PINK1: variants seen among roughly 807,000 people sequenced by gnomAD.
The protein encoded by PINK1 is serine/threonine-protein kinase PINK1, mitochondrial.
Under a neutral mutation model 56.0 loss-of-function variants are expected in PINK1, and 58 were observed. The observed-to-expected ratio is 1.04, with a 90% confidence interval of 0.84 to 1.29. The LOEUF is 1.29. PINK1 is among the 50% of genes most tolerant of loss of function. The pLI, the probability that PINK1 is intolerant of heterozygous loss-of-function variation, is 0.00. For synonymous variants in PINK1, 354 were observed against 339.3 expected, an observed-to-expected ratio of 1.04 and a Z score of -0.48; for missense variants, 745 against 777.9, an observed-to-expected ratio of 0.96 and a Z score of 0.50.
At chr1:20,642,258 C>T (rs555612385) in intron 3 of PINK1, among the ~76,000 whole-genome samples, 1 of 152,344 alleles carries the variant, frequency 6.6e-6, no homozygotes, top group African/African-American at 2.4e-5. Context: ...GAAGCAGTCA[C>T]ACTGGATTTT....
rs776293086 is a variant in PINK1 at position 20,633,703 on chromosome 1, C to T, written c.155C>T (p.Pro52Leu). 5 of 1,514,248 alleles carry T rather than the reference C, an allele frequency of 3.3e-6. No individual in the cohort carries two copies. In the Admixed American group the frequency reaches 8.1e-5, roughly 25 times the overall value. The allele number at this position is 1,514,248 out of a possible 1,614,324, so 93.8% of individuals were successfully genotyped here. ...GAGCGTCCAGGCTGGGCCGCAGGACCGGGCGCGGAGCCTCGCAGGGTCGGG... is the reference window on the plus strand; with the variant it reads ...GAGCGTCCAGGCTGGGCCGCAGGACTGGGCGCGGAGCCTCGCAGGGTCGGG... ...RGERPGWAAGPGAEPRRVGLG... is the reference protein window; with the variant it reads ...RGERPGWAAGLGAEPRRVGLG... The change falls in exon 1 of 8, where the codon CCG (proline) becomes CTG (leucine). Residue 52 changes from proline to leucine, a missense_variant. Transcript: ENST00000321556.
chr1:20,633,458 A>T lies in PINK1; in HGVS notation c.-91A>T. On this transcript the variant is annotated 5_prime_UTR_variant, in exon 1 of 8. Transcript: ENST00000321556. ...CGCCCACCAGCGCCTGCGCCTGCGCAGAGGCACCGCCCCAAGTTTGTTGTG... is the reference window on the plus strand; with the variant it reads ...CGCCCACCAGCGCCTGCGCCTGCGCTGAGGCACCGCCCCAAGTTTGTTGTG... The T allele has an allele frequency of 9.7e-7, 1 of 1,025,656 alleles. No individual in the cohort carries two copies. The highest frequency in any genetic ancestry group is 1.2e-6 in the Non-Finnish European group (1 of 847,264). 63.5% of individuals were successfully genotyped at this position (1,025,656 alleles called of 1,614,324 possible).
At position 20,650,652 on chromosome 1, in the gene PINK1, G is replaced by A. The variant is rs2053257148; in HGVS notation, c.1707G>A (p.Gln569=). ...LANLECETLC[Q]AALLLCSWRA... is the part of the protein sequence containing the mutation. ...ACCTGGAGTGTGAAACGCTCTGCCAGGCAGCCCTCCTCCTCTGCTCATGGA... is the reference window on the plus strand; with the variant it reads ...ACCTGGAGTGTGAAACGCTCTGCCAAGCAGCCCTCCTCCTCTGCTCATGGA... Residue 569 remains glutamine, a synonymous_variant, in exon 8 of 8, where the codon CAG becomes CAA. Coordinates refer to ENST00000321556, the MANE Select transcript of PINK1 (RefSeq NM_032409.3). 6.2e-7 allele frequency: 1 copy of A among 1,614,020 alleles called. No homozygotes were observed. Among genetic ancestry groups the A allele is most frequent in the Admixed American group, 1.7e-5 (1 of 59,998 alleles).
intron 1 of PINK1, among the ~76,000 whole-genome samples, chr1:20,634,452 A>G (rs987174556): frequency 1.3e-5 from 2 of 152,176 alleles, no homozygotes; most frequent in Non-Finnish European, 2.9e-5. Flanking sequence ...AACAGTCCTA[A>G]CATTTTAGTT....
chr1:20,648,403 CCT>C (rs759595395), intron 5 of PINK1, 100 bp from the exon 6 acceptor site: 14 of 1,545,590 alleles, frequency 9.1e-6, no homozygotes, highest in African/African-American at 1.4e-5. Context: ...GCCATTAGCC[CCT>C]GTCAGCTATG....
Position 20,644,617 on chromosome 1 carries a change from C to T in PINK1, c.904C>T (p.Arg302Cys), listed in dbSNP as rs747359904. ...LVDYPDVLPSRLHPEGLGHGR... is the reference protein window; with the variant it reads ...LVDYPDVLPSCLHPEGLGHGR... The stretch of plus-strand genomic sequence containing the variant: ...CGACTACCCTGATGTGCTGCCCTCA[C>T]GCCTCCACCCTGAAGGCCTGGGCCA... Residue 302 changes from arginine (R) to cysteine (C), a missense_variant, in exon 4 of 8, where the codon CGC becomes TGC. Transcript: ENST00000321556. 4.3e-5 allele frequency: 69 copies of T among 1,614,094 alleles called. No individual in the cohort carries two copies. Among genetic ancestry groups the T allele is most frequent in the Admixed American group, 8.3e-5 (5 of 60,010 alleles).
intron 7 of PINK1, 36 bp downstream of exon 7, chr1:20,649,267 G>C (rs1489670926): frequency 6.2e-7 from 1 of 1,602,296 alleles, no homozygotes; most frequent in Non-Finnish European, 8.5e-7. Flanking sequence ...GACGGTGTGG[G>C]TAGAAACCTC....
In PINK1 at chr1:20,633,941, C is replaced by A. The variant is rs762327080; in HGVS notation, c.387+6C>A. 7.4e-7 allele frequency: 1 copy of A among 1,359,044 alleles called. No individual in the cohort carries two copies. Among genetic ancestry groups the A allele is most frequent in the South Asian group, 1.2e-5 (1 of 82,638 alleles). 84.2% of individuals were successfully genotyped at this position (1,359,044 alleles called of 1,614,324 possible). ...CGGCCTGTCAGGAGATCCAGGTGAG[C>A]GGGGCCGGGTCCTAAGCCGAGCGGA... On this transcript the variant is annotated splice_donor_region_variant and intron_variant, in intron 1 of 7. Transcript: ENST00000321556.
At position 20,645,701 on chromosome 1, in the gene PINK1, C is replaced by A. The variant is rs1314235592; in HGVS notation, c.1101C>A (p.Asn367Lys). ...CGCACAGAGACCTGAAATCCGACAACATCCTTGTGGAGCTGGACCCAGGTA... is the reference window on the plus strand; with the variant it reads ...CGCACAGAGACCTGAAATCCGACAAAATCCTTGTGGAGCTGGACCCAGGTA... ...GIAHRDLKSD[N>K]ILVELDPDGC... The change falls in exon 5 of 8, where the codon AAC becomes AAA. Residue 367 changes from asparagine (N) to lysine (K), a missense_variant. Transcript: ENST00000321556. The A allele has an allele frequency of 6.2e-7, 1 of 1,614,142 alleles. No individual in the cohort carries two copies. The highest frequency in any genetic ancestry group is 1.1e-5 in the South Asian group (1 of 91,082).
At position 20,641,115 on chromosome 1, in the gene PINK1, T is replaced by C. The variant is rs2053111656; in HGVS notation, c.776+1123T>C. Among the ~76,000 whole-genome samples the C allele has an allele frequency of 6.6e-6, 1 of 152,104 alleles. No individual in the cohort carries two copies. The highest frequency in any genetic ancestry group is 6.5e-5 in the Admixed American group (1 of 15,272). On this transcript the variant is annotated intron_variant, in intron 3 of 7. Transcript: ENST00000321556. This position sits in a 1 kb window ranked among gnomAD's most constrained non-coding sequence, Gnocchi z 4.0. Reference sequence around the variant, plus strand: ...TTACTGGAGGGCTGGTTTATAGATCTTCATTCTGTCAGAAGCAGGGAGGCA... The same window carrying C: ...TTACTGGAGGGCTGGTTTATAGATCCTCATTCTGTCAGAAGCAGGGAGGCA...
chr1:20,640,519 AGAG>A (rs1318396906), intron 3 of PINK1, among the ~76,000 whole-genome samples: 1 of 152,178 alleles, frequency 6.6e-6, no homozygotes, highest in Non-Finnish European at 1.5e-5. Flanking sequence ...CGTGTGCTGC[AGAG>A]GAGGGGCTGC....
In PINK1 at chr1:20,639,963, G is replaced by A; in HGVS notation, c.747G>A (p.Leu249=). The A allele has an allele frequency of 1.2e-6, 2 of 1,611,958 alleles. No individual in the cohort carries two copies. The highest frequency in any genetic ancestry group is 1.7e-6 in the Non-Finnish European group (2 of 1,179,244). The change falls in exon 3 of 8, where the codon TTG becomes TTA. Residue 249 remains leucine (L), a synonymous_variant. Transcript: ENST00000321556. ...TGGTCCCAGCGAGCCGAGTGGCCTT[G>A]GCTGGGGAGTATGGAGCAGTCACTT... ...QELVPASRVA[L]AGEYGAVTYR... is the part of the protein sequence containing the mutation.
Position 20,644,537 on chromosome 1 carries a change from T to C in PINK1, c.824T>C (p.Ile275Thr). The change falls in exon 4 of 8, where the codon ATC becomes ACC. Residue 275 changes from isoleucine (I) to threonine (T), a missense_variant. Transcript: ENST00000321556. ...PKQLAPHPNI[I>T]RVLRAFTSSV... Reference sequence around the variant, plus strand: ...CAACTAGCCCCTCACCCCAACATCATCCGGGTTCTCCGCGCCTTCACCTCT... The same window carrying C: ...CAACTAGCCCCTCACCCCAACATCACCCGGGTTCTCCGCGCCTTCACCTCT... 6.2e-7 allele frequency: 1 copy of C among 1,614,182 alleles called. No individual in the cohort carries two copies. The highest frequency in any genetic ancestry group is 8.5e-7 in the Non-Finnish European group (1 of 1,180,032).
chr1:20,644,719 A>G (rs542584036), intron 4 of PINK1, 47 bp downstream of exon 4: 21 of 1,604,118 alleles, frequency 1.3e-5, no homozygotes, highest in Non-Finnish European at 1.7e-5. Context: ...ACATCTCCCA[A>G]GGGGAGCTGG....
chr1:20,647,092 T>C (rs2053193308), intron 5 of PINK1, among the ~76,000 whole-genome samples: 1 of 143,608 alleles, frequency 7.0e-6, no homozygotes, highest in Non-Finnish European at 1.5e-5. Flanking sequence ...AGTCTCGCTC[T>C]GTCACCCAGG....
chr1:20,650,370 A>C lies in PINK1; in HGVS notation c.1489-64A>C. The C allele has an allele frequency of 1.9e-6, 3 of 1,603,152 alleles. No individual in the cohort carries two copies. In the South Asian group the frequency reaches 3.3e-5, roughly 18 times the overall value. On this transcript the variant is annotated intron_variant, in intron 7 of 7. Transcript: ENST00000321556. ...GAGAAGGGAAGACCCTCACTAACAA[A>C]GCAGGCTTTGGGTTGAGACTGTGTT... is the stretch of plus-strand genomic sequence containing the variant.
Position 20,644,592 on chromosome 1 carries a change from C to T in PINK1, c.879C>T (p.Val293=), listed in dbSNP as rs1242909775. ...SSVPLLPGAL[V]DYPDVLPSRL... is the part of the protein sequence containing the mutation. ...TGCCGCTGCTGCCAGGGGCCCTGGT[C>T]GACTACCCTGATGTGCTGCCCTCAC... is the stretch of plus-strand genomic sequence containing the variant. The change falls in exon 4 of 8, where the codon GTC becomes GTT. Residue 293 remains valine, a synonymous_variant. Transcript: ENST00000321556. 14 of 1,614,090 alleles carry T rather than the reference C, an allele frequency of 8.7e-6. No homozygotes were observed. Among genetic ancestry groups the T allele is most frequent in the East Asian group, 4.5e-5 (2 of 44,894 alleles).
Position 20,649,186 on chromosome 1 carries a change from C to T in PINK1, c.1443C>T (p.Asp481=), listed in dbSNP as rs770625275. Residue 481 remains aspartate (D), a synonymous_variant, in exon 7 of 8, where the codon GAC becomes GAT. Transcript: ENST00000321556. ...LPALPESVPP[D]VRQLVRALLQ... is the part of the protein sequence containing the mutation. Reference sequence around the variant, plus strand: ...CACTGCCCGAGTCAGTGCCTCCAGACGTGAGACAGTTGGTGAGGGCACTGC... The same window carrying T: ...CACTGCCCGAGTCAGTGCCTCCAGATGTGAGACAGTTGGTGAGGGCACTGC... 6 of 1,614,194 alleles carry T rather than the reference C, an allele frequency of 3.7e-6. No homozygotes were observed. The highest frequency in any genetic ancestry group is 2.2e-5 in the South Asian group (2 of 91,086).
At chr1:20,634,717 T>C (rs898245204) in intron 1 of PINK1, among the ~76,000 whole-genome samples, 3 of 152,162 alleles carry the variant, frequency 2.0e-5, no homozygotes, top group African/African-American at 4.8e-5. Context: ...AGCGGTGCAG[T>C]TCAGGTTTGA....
Sources: gnomAD v4.1 joint callset for allele counts (sites outside exome capture counted in the v4.1 genomes callset) on GRCh38, gnomAD v4.1.1 for gene constraint, Gnocchi (gnomAD v3.1) non-coding constraint, MANE v1.5 for transcripts, NCBI Gene and HGNC (gene_info 2026-07-23, HGNC 2026-07-21) for gene names.